The following SSX2IP variants were observed in gnomAD, a reference collection of about 807,000 sequenced individuals.
SSX2IP encodes SSX family member 2 interacting protein, also known as afadin- and alpha-actinin-binding protein.
SSX2IP carries 55 observed loss-of-function variants against 84.9 expected under a neutral mutation model. That is an observed-to-expected ratio of 0.65 (90% CI 0.52 to 0.81). SSX2IP has a LOEUF of 0.81. SSX2IP is among the 30% of genes least tolerant of loss of function. SSX2IP has a pLI of 0.00. For missense variants in SSX2IP, 664 were observed against 705.2 expected, an observed-to-expected ratio of 0.94 and a Z score of 0.66; for synonymous variants, 239 against 234.7, an observed-to-expected ratio of 1.02 and a Z score of -0.17.
At position 84,664,399 on chromosome 1, in the gene SSX2IP, T is replaced by C; in HGVS notation, c.673+18A>G. 3 of 1,566,306 alleles carry C rather than the reference T, an allele frequency of 1.9e-6. No individual in the cohort carries two copies. The highest frequency in any genetic ancestry group is 1.7e-6 in the Non-Finnish European group (2 of 1,163,776). ...TTAGCTTATTTATTCTCTTAGCTGA[T>C]CTTTGCCAGCTGTTTACCTATTTTC... is the stretch of plus-strand genomic sequence containing the variant. On this transcript the variant is annotated intron_variant, in intron 6 of 13. Transcript: ENST00000342203.
intron 1 of SSX2IP, among the ~76,000 whole-genome samples, chr1:84,674,619 T>G (rs1433882009): frequency 6.6e-6 from 1 of 152,184 alleles, no homozygotes; most frequent in Non-Finnish European, 1.5e-5. Context: ...TATATATCCA[T>G]TCTTTAAAAC....
intron 9 of SSX2IP, among the ~76,000 whole-genome samples, chr1:84,657,836 T>C (rs949042263): frequency 2.6e-5 from 4 of 152,176 alleles, no homozygotes; most frequent in Non-Finnish European, 4.4e-5. Context: ...CACATCTAAA[T>C]GTATGTAAAA....
chr1:84,665,109 T>C (rs1652587074), intron 5 of SSX2IP, among the ~76,000 whole-genome samples: 1 of 152,210 alleles, frequency 6.6e-6, no homozygotes, highest in South Asian at 2.1e-4. Context: ...AGATCTATTA[T>C]AGTTTCTCAG....
rs745731936 is a variant in SSX2IP, at chr1:84,645,442, G to A, written c.*1991C>T. On this transcript the variant is annotated 3_prime_UTR_variant, in exon 14 of 14. Coordinates refer to ENST00000342203, the MANE Select transcript of SSX2IP (RefSeq NM_001166293.2). ...TTCACACTTTAGATTTTAAAAGTAC[G>A]TCTCAAGGAATCTTTCTTTCCAATT... 9 of 152,078 alleles carry A rather than the reference G, an allele frequency of 5.9e-5. No individual in the cohort carries two copies. The highest frequency in any genetic ancestry group is 1.3e-4 in the Admixed American group (2 of 15,268). 9.4% of individuals were successfully genotyped at this position (152,078 alleles called of 1,614,324 possible). A position where few individuals can be genotyped will look rare whatever the true frequency, so the allele number is the denominator to read the frequency against.
rs1489805217 is a variant in SSX2IP, at chr1:84,670,720, T to G, written c.139A>C (p.Lys47Gln). The change falls in exon 3 of 14, where the codon AAA becomes CAA. Residue 47 changes from lysine (K) to glutamine (Q), a missense_variant. By Grantham distance (53) the Lys-to-Gln change is moderately conservative. Transcript: ENST00000342203. ...GCACTGAAAAAACTGTGCACATTTTTCGATAAAGGTATTGAAGAACATAGC... is the reference window on the plus strand; with the variant it reads ...GCACTGAAAAAACTGTGCACATTTTGCGATAAAGGTATTGAAGAACATAGC... ...QVLCSSIPLS[K>Q]NVHSFFSAFC... 3.7e-6 allele frequency: 6 copies of G among 1,613,316 alleles called. No individual in the cohort carries two copies. Among genetic ancestry groups the G allele is most frequent in the South Asian group, 2.2e-5 (2 of 91,012 alleles).
chr1:84,659,890 G>A (rs914025980), intron 8 of SSX2IP, among the ~76,000 whole-genome samples: 3 of 151,970 alleles, frequency 2.0e-5, no homozygotes, highest in Admixed American at 1.3e-4. Flanking sequence ...AAAAAATTCG[G>A]CTGGGCACAG....
intron 12 of SSX2IP, among the ~76,000 whole-genome samples, 164 bp from the exon 13 acceptor site, chr1:84,650,691 C>G (rs75925595): frequency 0.03 from 4,061 of 136,540 alleles, 190 homozygotes; most frequent in African/African-American, 0.1. Flanking sequence ...TTGCATAGTC[C>G]ACCCATGTTT....
chr1:84,657,663 C>G (rs1407025023), intron 9 of SSX2IP, among the ~76,000 whole-genome samples: 1 of 152,166 alleles, frequency 6.6e-6, no homozygotes. Context: ...GTGCACCCAT[C>G]ACCCAAGCAG....
intron 11 of SSX2IP, 44 bp downstream of exon 11, chr1:84,655,788 C>A: frequency 6.3e-7 from 1 of 1,588,872 alleles, no homozygotes; most frequent in South Asian, 1.1e-5. Context: ...CTGAGGCCCA[C>A]CCACCCCCAG....
At chr1:84,676,967 G>A (rs1292417846) in intron 1 of SSX2IP, among the ~76,000 whole-genome samples, 4 of 151,900 alleles carry the variant, frequency 2.6e-5, no homozygotes, top group African/African-American at 4.8e-5. Context: ...TGCCCGCCTC[G>A]GACTTCCAAA....
intron 1 of SSX2IP, among the ~76,000 whole-genome samples, chr1:84,674,468 T>TG (rs1305136155): frequency 6.6e-6 from 1 of 152,014 alleles, no homozygotes; most frequent in Non-Finnish European, 1.5e-5. Flanking sequence ...ATCAACTGGT[T>TG]GGGGGGAAAA....
chr1:84,675,293 T>G (rs1021434070), intron 1 of SSX2IP, among the ~76,000 whole-genome samples: 1 of 152,238 alleles, frequency 6.6e-6, no homozygotes, highest in African/African-American at 2.4e-5. Flanking sequence ...TTTCTAGCAC[T>G]GTTACCATAG....
At chr1:84,655,299 G>A (rs961634597) in intron 11 of SSX2IP, 3 of 1,068,602 alleles carry the variant, frequency 2.8e-6, no homozygotes, top group Non-Finnish European at 3.4e-6. Context: ...TTTTTAATGA[G>A]TTTTGTTGAT....
intron 10 of SSX2IP, 84 bp from the exon 11 acceptor site, chr1:84,656,089 C>G: frequency 8.0e-7 from 1 of 1,254,090 alleles, no homozygotes; most frequent in Non-Finnish European, 1.1e-6. Flanking sequence ...GAAGGCCAGT[C>G]AAACTTCAGG....
chr1:84,677,352 T>C (rs1050110624), intron 1 of SSX2IP, among the ~76,000 whole-genome samples: 10 of 152,186 alleles, frequency 6.6e-5, no homozygotes, highest in Non-Finnish European at 1.5e-4. Flanking sequence ...AACATCTTGT[T>C]TTTTCTGGTT....
At chr1:84,655,325 T>G in intron 11 of SSX2IP, 1 of 1,085,558 alleles carries the variant, frequency 9.2e-7, no homozygotes, top group Non-Finnish European at 1.1e-6. Context: ...TTTTTTAACC[T>G]TATTCAGACA....
intron 4 of SSX2IP, among the ~76,000 whole-genome samples, chr1:84,667,058 T>C (rs1354407375): frequency 2.7e-5 from 4 of 148,316 alleles, no homozygotes; most frequent in Admixed American, 6.7e-5. Flanking sequence ...TTTGGCAACC[T>C]TTTTTTTTGA....
intron 9 of SSX2IP, among the ~76,000 whole-genome samples, chr1:84,657,174 T>C (rs2911560): frequency 0.082 from 12,411 of 152,116 alleles, 757 homozygotes; most frequent in African/African-American, 0.17. Flanking sequence ...TTTAAAAGCA[T>C]TCAAACTTTA....
intron 12 of SSX2IP, 95 bp from the exon 13 acceptor site, chr1:84,650,622 G>A: frequency 1.5e-6 from 2 of 1,326,094 alleles, no homozygotes; most frequent in South Asian, 2.5e-5. Flanking sequence ...CTGCGGTTCT[G>A]AGTGAGGAAA....
Sources: allele counts gnomAD v4.1 joint callset (sites outside exome capture counted in the v4.1 genomes callset), GRCh38; gene constraint gnomAD v4.1.1; transcripts MANE v1.5; gene names NCBI Gene and HGNC (gene_info 2026-07-23, HGNC 2026-07-21).